ADK: variants seen among roughly 807,000 people sequenced by gnomAD.
ADK encodes the protein N6,N6-dimethyladenosine kinase.
In ADK, 24 loss-of-function variants were observed where a neutral mutation model predicts 44.7. That is an observed-to-expected ratio of 0.54 (90% CI 0.39 to 0.76). The LOEUF is 0.76. Among genes scored for constraint, ADK ranks in the 30% least tolerant of loss-of-function variants. The pLI is 0.00. For synonymous variants in ADK, 128 were observed against 142.6 expected (o/e 0.90, Z 0.73); for missense variants, 321 against 425.1 (o/e 0.76, Z 2.15).
At chr10:74,427,344 G>A (rs1218294447) in intron 6 of ADK, among the ~76,000 whole-genome samples, 2 of 151,978 alleles carry the variant, frequency 1.3e-5, no homozygotes, top group Non-Finnish European at 2.9e-5. Flanking sequence ...GACTATAGGT[G>A]CCCACCACCA....
intron 10 of ADK, among the ~76,000 whole-genome samples, chr10:74,677,787 T>G (rs1296779160): frequency 6.6e-6 from 1 of 151,662 alleles, no homozygotes; most frequent in Non-Finnish European, 1.5e-5. Flanking sequence ...GAACAGAAAT[T>G]TTTCTTAAAA....
chr10:74,543,548 T>C (rs1849723925), intron 7 of ADK, among the ~76,000 whole-genome samples: 1 of 152,234 alleles, frequency 6.6e-6, no homozygotes, highest in African/African-American at 2.4e-5. Flanking sequence ...AATGGAATTG[T>C]TGGGTCAAAG....
At chr10:74,248,578 T>A (rs1845521969) in intron 3 of ADK, among the ~76,000 whole-genome samples, 1 of 152,144 alleles carries the variant, frequency 6.6e-6, no homozygotes, top group South Asian at 2.1e-4. Context: ...GTGGTCTTGA[T>A]CTACTGACCT....
chr10:74,337,760 A>ATTTT (rs71475276), intron 4 of ADK, among the ~76,000 whole-genome samples: 4 of 130,152 alleles, frequency 3.1e-5, no homozygotes, highest in Non-Finnish European at 6.5e-5. Context: ...TCTTCGGATG[A>ATTTT]TTTTTTTTTT....
At chr10:74,497,370 C>T (rs1010358898) in intron 6 of ADK, among the ~76,000 whole-genome samples, 7 of 152,076 alleles carry the variant, frequency 4.6e-5, no homozygotes, top group African/African-American at 1.7e-4. Context: ...TGTCCTTGTT[C>T]TATATTCTTT....
In ADK at chr10:74,470,538, A is replaced by C. The variant is rs919327346; in HGVS notation, c.556-54718A>C. Among the ~76,000 whole-genome samples, 27 of 31,934 alleles carry C rather than the reference A, an allele frequency of 8.5e-4. No individual in the cohort carries two copies. The Admixed American group carries it at 8.7e-3, about 10-fold the overall frequency. The allele number at this position is 31,934 out of a possible 152,430, so 20.9% of individuals were successfully genotyped here. A position where few individuals can be genotyped will look rare whatever the true frequency, so the allele number is the denominator to read the frequency against. On this transcript the variant is annotated intron_variant, in intron 6 of 10. Coordinates refer to ENST00000539909, the MANE Select transcript of ADK (RefSeq NM_006721.4). ...GTTTTCATAGTGGCTTTGTCATCTA[A>C]CATTGTCAGCAATAGTGCACAAGCG...
chr10:74,336,545 G>T (rs982404820), intron 4 of ADK, among the ~76,000 whole-genome samples: 1 of 152,098 alleles, frequency 6.6e-6, no homozygotes, highest in Non-Finnish European at 1.5e-5. Flanking sequence ...TAATGTAATG[G>T]ACATATTAGA....
At chr10:74,315,955 C>T (rs1306433841) in intron 4 of ADK, among the ~76,000 whole-genome samples, 15 of 151,798 alleles carry the variant, frequency 9.9e-5, no homozygotes, top group African/African-American at 2.9e-4. Context: ...GGATGATTTA[C>T]GGCCAGGCAC....
chr10:74,393,323 C>T (rs897112913), intron 4 of ADK, among the ~76,000 whole-genome samples: 5 of 152,070 alleles, frequency 3.3e-5, no homozygotes, highest in African/African-American at 1.2e-4. Context: ...AATATTAGAA[C>T]CCTCAGGGAT....
intron 9 of ADK, among the ~76,000 whole-genome samples, chr10:74,611,037 G>A (rs964575114): frequency 2.6e-5 from 4 of 151,802 alleles, no homozygotes; most frequent in Non-Finnish European, 4.4e-5. Flanking sequence ...TTTCTGTTTC[G>A]TTTGTTTTAA....
intron 7 of ADK, among the ~76,000 whole-genome samples, chr10:74,567,887 G>A (rs1328754383): frequency 1.3e-5 from 2 of 151,760 alleles, no homozygotes; most frequent in Non-Finnish European, 1.5e-5. Flanking sequence ...TTTTAGTAGA[G>A]GCAGAGTTTC....
chr10:74,340,066 A>G (rs1198175930), intron 4 of ADK, among the ~76,000 whole-genome samples: 1 of 152,132 alleles, frequency 6.6e-6, no homozygotes, highest in Non-Finnish European at 1.5e-5. Flanking sequence ...TCCATTTTGA[A>G]GGGCCATTTT....
chr10:74,701,304 T>A (rs1215140861), intron 10 of ADK, among the ~76,000 whole-genome samples: 1 of 152,182 alleles, frequency 6.6e-6, no homozygotes, highest in East Asian at 1.9e-4. Flanking sequence ...CGTATACAGT[T>A]ATGGATGTAA....
intron 3 of ADK, among the ~76,000 whole-genome samples, chr10:74,295,295 C>A (rs1315954799): frequency 6.6e-6 from 1 of 151,604 alleles, no homozygotes; most frequent in Non-Finnish European, 1.5e-5. Context: ...AACCCCGTTT[C>A]TACTAAAAAT....
rs372765164 is a variant in ADK at position 74,478,988 on chromosome 10, A to G, written c.556-46268A>G. ...TGCTATTTCTAGAAAGTTCTTCCAC[A>G]TGTATCTTTTTTTAAAAAATATTTT... On this transcript the variant is annotated intron_variant, in intron 6 of 10. Transcript: ENST00000539909. 2.4e-4 allele frequency among the ~76,000 whole-genome samples: 37 copies of G among 152,072 alleles called. 1 individual carries two copies. The highest frequency in any genetic ancestry group is 6.8e-3 in the Middle Eastern group (2 of 292).
chr10:74,199,131 G>C (rs1220781360), intron 1 of ADK, among the ~76,000 whole-genome samples: 1 of 152,188 alleles, frequency 6.6e-6, no homozygotes, highest in East Asian at 1.9e-4. Context: ...CCCTACCACA[G>C]TCATTTTTTT....
chr10:74,508,999 G>A (rs1461300196), intron 6 of ADK, among the ~76,000 whole-genome samples: 1 of 151,998 alleles, frequency 6.6e-6, no homozygotes, highest in African/African-American at 2.4e-5. Flanking sequence ...ATGTTACCAA[G>A]ACCAGAATGC....
chr10:74,623,522 G>C (rs1853074508), intron 9 of ADK, among the ~76,000 whole-genome samples: 1 of 151,964 alleles, frequency 6.6e-6, no homozygotes, highest in Non-Finnish European at 1.5e-5. Context: ...TGCCAAATAT[G>C]CTCCAATTCT....
At chr10:74,161,500 C>T (rs887009093) in intron 1 of ADK, among the ~76,000 whole-genome samples, 4 of 151,590 alleles carry the variant, frequency 2.6e-5, no homozygotes, top group Non-Finnish European at 4.4e-5. Flanking sequence ...TGAGTCACCG[C>T]GCCTGGCCTA....
Sources: allele counts gnomAD v4.1 joint callset (sites outside exome capture counted in the v4.1 genomes callset), GRCh38; gene constraint gnomAD v4.1.1; transcripts MANE v1.5; gene names NCBI Gene and HGNC (gene_info 2026-07-23, HGNC 2026-07-21).